ACSM3: variants seen among roughly 807,000 people sequenced by gnomAD.
ACSM3 encodes the protein acyl-coenzyme A synthetase ACSM3, mitochondrial.
A neutral mutation model predicts 74.1 loss-of-function variants in ACSM3; 61 were observed. The ratio of observed to expected loss-of-function variants is 0.82; its 90% CI spans 0.67 to 1.02. The LOEUF (loss-of-function observed/expected upper bound fraction) is 1.02. ACSM3 is among the 50% of genes least tolerant of loss of function. ACSM3 has a pLI of 0.00. For missense variants in ACSM3, 660 were observed against 697.0 expected, an observed-to-expected ratio of 0.95 and a Z score of 0.60; for synonymous variants, 213 against 241.5, an observed-to-expected ratio of 0.88 and a Z score of 1.09.
At chr16:20,765,683 G>A (rs1255296246) in intron 1 of ACSM3, among the ~76,000 whole-genome samples, 1 of 152,110 alleles carries the variant, frequency 6.6e-6, no homozygotes, top group Non-Finnish European at 1.5e-5. Flanking sequence ...GTACAGGTCT[G>A]GCATATACCA....
intron 1 of ACSM3, among the ~76,000 whole-genome samples, chr16:20,684,154 G>A (rs1189501258): frequency 6.6e-6 from 1 of 152,086 alleles, no homozygotes; most frequent in African/African-American, 2.4e-5. Context: ...AAGGGGAAGG[G>A]AAATCTCTAC....
rs776198590 is a variant in ACSM3, at chr16:20,792,203, A to T, written c.1455-33A>T. 8.1e-6 allele frequency: 13 copies of T among 1,613,816 alleles called. No homozygotes were observed. The East Asian group carries it at 2.7e-4, about 33-fold the overall frequency. The stretch of plus-strand genomic sequence containing the variant: ...GTGTTCTAGAGTGAACCTGCCACTC[A>T]CCTGTATGTATTCCTGCCATATGTG... On this transcript the variant is annotated intron_variant, in intron 11 of 13. Transcript: ENST00000289416.
intron 9 of ACSM3, chr16:20,789,666 T>A (rs1023868328): frequency 2.1e-5 from 14 of 671,884 alleles, no homozygotes; most frequent in Non-Finnish European, 2.9e-5. Context: ...CTGTATATTA[T>A]AAAGCAACTC....
At chr16:20,742,562 G>C (rs1414791678) in intron 1 of ACSM3, among the ~76,000 whole-genome samples, 1 of 150,546 alleles carries the variant, frequency 6.6e-6, no homozygotes, top group Non-Finnish European at 1.5e-5. Flanking sequence ...GGAATCACTC[G>C]AACTCGGGAA....
At chr16:20,690,070 C>T (rs1035504222) in intron 1 of ACSM3, among the ~76,000 whole-genome samples, 13 of 152,130 alleles carry the variant, frequency 8.5e-5, no homozygotes, top group African/African-American at 2.7e-4. Context: ...TTTTATTTTT[C>T]TTGAGGTTAC....
chr16:20,676,446 C>T (rs117828353), intron 1 of ACSM3, among the ~76,000 whole-genome samples: 2,104 of 152,258 alleles, frequency 0.014, 30 homozygotes, highest in Non-Finnish European at 0.018. Flanking sequence ...TCTGTTTAAC[C>T]CTAAGGCTGC....
In ACSM3 at chr16:20,785,067, C is replaced by T. The variant is rs748181119; in HGVS notation, c.1103C>T (p.Thr368Met). The part of the protein sequence containing the change: ...PDVTEKWRNK[T>M]GLDIYEGYGQ... ...GTGACTGAAAAATGGAGAAACAAGA[C>T]GGGCCTGGATATCTACGAAGGATAT... The change falls in exon 8 of 14, where the codon ACG becomes ATG. Residue 368 changes from threonine (T) to methionine (M), a missense_variant. By Grantham distance (81) the Thr-to-Met change is moderately conservative. Transcript: ENST00000289416. The T allele has an allele frequency of 1.1e-5, 18 of 1,613,568 alleles. No individual in the cohort carries two copies. Among genetic ancestry groups the T allele is most frequent in the African/African-American group, 2.7e-5 (2 of 74,992 alleles).
chr16:20,717,999 G>GA (rs2079770776), intron 1 of ACSM3, among the ~76,000 whole-genome samples: 1 of 149,262 alleles, frequency 6.7e-6, no homozygotes, highest in Non-Finnish European at 1.5e-5. Context: ...AGAAGAAGAA[G>GA]AAGAAGAAGA....
At chr16:20,685,911 C>T (rs572099593) in intron 1 of ACSM3, among the ~76,000 whole-genome samples, 3 of 151,616 alleles carry the variant, frequency 2.0e-5, no homozygotes, top group Non-Finnish European at 4.4e-5. Context: ...ACTGTAGCCA[C>T]CCTGCCTCAA....
chr16:20,698,411 C>G (rs1300684003), intron 1 of ACSM3, among the ~76,000 whole-genome samples: 39 of 152,058 alleles, frequency 2.6e-4, no homozygotes, highest in Admixed American at 2.6e-3. Context: ...CTCTGGAGGT[C>G]TGGAGGCAGA....
intron 1 of ACSM3, chr16:20,766,616 C>T (rs1223689109): frequency 6.6e-6 from 1 of 152,074 alleles, no homozygotes; most frequent in African/African-American, 2.4e-5. Flanking sequence ...ATTCCAGGTA[C>T]TCTGGAGGCT....
intron 9 of ACSM3, chr16:20,789,422 T>G (rs1387825783): frequency 7.8e-6 from 10 of 1,276,214 alleles, no homozygotes; most frequent in Non-Finnish European, 1.1e-5. Context: ...GGTAGACACT[T>G]CAGGGAATGA....
intron 1 of ACSM3, chr16:20,697,562 CACACACACA>C (rs2079696510): frequency 1.2e-4 from 3 of 24,010 alleles, no homozygotes; most frequent in Non-Finnish European, 5.5e-4. Flanking sequence ...GGATTACACA[CACACACACA>C]CACACACACA....
intron 1 of ACSM3, among the ~76,000 whole-genome samples, chr16:20,675,639 A>T (rs375105074): frequency 6.6e-6 from 1 of 152,250 alleles, no homozygotes; most frequent in East Asian, 1.9e-4. Flanking sequence ...TCAAAAGTTA[A>T]GGACATACTG....
intron 1 of ACSM3, chr16:20,721,264 T>C (rs60289428): frequency 1.3e-5 from 2 of 152,236 alleles, no homozygotes; most frequent in African/African-American, 4.8e-5. Flanking sequence ...CTAGAACATA[T>C]GAATAGTATA....
intron 2 of ACSM3, 68 bp from the exon 3 acceptor site, chr16:20,775,771 G>T: frequency 1.3e-6 from 2 of 1,487,106 alleles, no homozygotes; most frequent in South Asian, 1.1e-5. Flanking sequence ...CTATTCCATT[G>T]AGTCAGTTGG....
intron 2 of ACSM3, among the ~76,000 whole-genome samples, chr16:20,772,136 C>T (rs1179133705): frequency 1.3e-5 from 2 of 151,968 alleles, no homozygotes; most frequent in Non-Finnish European, 2.9e-5. Context: ...CCTGTATATT[C>T]TGGATATTAA....
chr16:20,723,919 C>T (rs1243977423), intron 1 of ACSM3, among the ~76,000 whole-genome samples: 2 of 152,142 alleles, frequency 1.3e-5, no homozygotes, highest in East Asian at 1.9e-4. Context: ...CTTTTGTTGC[C>T]ATTGCTTTTG....
chr16:20,676,390 C>T (rs2020277923), intron 1 of ACSM3, among the ~76,000 whole-genome samples: 1 of 152,180 alleles, frequency 6.6e-6, no homozygotes, highest in Middle Eastern at 3.2e-3. Context: ...GATAAAAGCA[C>T]CAGCCAGTTT....
Sources: allele counts gnomAD v4.1 joint callset (sites outside exome capture counted in the v4.1 genomes callset), GRCh38; gene constraint gnomAD v4.1.1; transcripts MANE v1.5; gene names NCBI Gene and HGNC (gene_info 2026-07-23, HGNC 2026-07-21).